Variants in NFRKB observed in about 807,000 individuals in gnomAD.
NFRKB encodes nuclear factor related to kappaB binding protein, also known as nuclear factor related to kappa-B-binding protein.
Under a neutral mutation model 135.7 loss-of-function variants are expected in NFRKB, and 62 were observed. That is an observed-to-expected ratio of 0.46 (90% confidence interval 0.37 to 0.56). NFRKB has a LOEUF of 0.56. Ranked by LOEUF, NFRKB falls within the 20% of genes least tolerant of loss-of-function variation. NFRKB has a pLI of 0.00. For synonymous variants in NFRKB, 678 were observed against 635.6 expected, an observed-to-expected ratio of 1.07 and a Z score of -1.00; for missense variants, 1,545 against 1,662.0, an observed-to-expected ratio of 0.93 and a Z score of 1.22.
chr11:129,881,614 C>T, intron 12 of NFRKB, 106 bp from the exon 13 acceptor site: 1 of 1,587,150 alleles, frequency 6.3e-7, no homozygotes, highest in South Asian at 1.1e-5. Flanking sequence ...ACCTTCAAGG[C>T]ATAGCATTAT....
In NFRKB at chr11:129,894,173, C is replaced by G. The variant is rs189147569; in HGVS notation, c.-22+186G>C. 7 of 152,368 alleles carry G rather than the reference C, an allele frequency of 4.6e-5. No individual in the cohort carries two copies. In the East Asian group the frequency reaches 9.6e-4, roughly 21 times the overall value. 9.4% of individuals were successfully genotyped at this position (152,368 alleles called of 1,614,324 possible). On this transcript the variant is annotated intron_variant, in intron 2 of 26. Transcript: ENST00000682444. ...ATAGCACAGGACTGCACAATGCTAA[C>G]AGGACCACAGGGAGCTTAAACTCAA...
At chr11:129,880,279 AAAC>A (rs1471458183) in intron 13 of NFRKB, among the ~76,000 whole-genome samples, 4 of 152,160 alleles carry the variant, frequency 2.6e-5, no homozygotes, top group East Asian at 1.9e-4. Context: ...CTACCTGCAC[AAAC>A]AACACCTTCC....
In NFRKB at chr11:129,864,999, C is replaced by T. The variant is rs1440745058; in HGVS notation, c.3741G>A (p.Leu1247=). The T allele has an allele frequency of 1.2e-6, 2 of 1,613,268 alleles. No homozygotes were observed. Among genetic ancestry groups the T allele is most frequent in the South Asian group, 2.2e-5 (2 of 91,038 alleles). ...CCTGACCTTGCTGCTGAAGCTGCTG[C>T]AACTGCTGAGCAGTGAGGAAACTAA... The part of the protein sequence containing the change: ...KPVSFLTAQQ[L]QQLQQQGQAT... Residue 1247 remains leucine, a synonymous_variant, in exon 26 of 27, where the codon TTG becomes TTA. Coordinates refer to ENST00000682444, the MANE Select transcript of NFRKB (RefSeq NM_001143835.2).
At chr11:129,872,825 C>G in intron 23 of NFRKB, 59 bp downstream of exon 23, 1 of 1,509,088 alleles carries the variant, frequency 6.6e-7, no homozygotes, top group Non-Finnish European at 9.0e-7. Context: ...ACCTCCAGCT[C>G]CAGTGGTCCC....
At position 129,864,446 on chromosome 11, in the gene NFRKB, C is replaced by T; in HGVS notation, c.*279G>A. The T allele has an allele frequency of 2.7e-6, 1 of 377,032 alleles. No homozygotes were observed. 23.4% of individuals were successfully genotyped at this position (377,032 alleles called of 1,614,324 possible). A position where few individuals can be genotyped will look rare whatever the true frequency, so the allele number is the denominator to read the frequency against. ...GGGGGTCTTACTCTCAGAACTCTGG[C>T]TTGTTGGACGTAACTGGTAATTCCT... On this transcript the variant is annotated 3_prime_UTR_variant, in exon 27 of 27. Coordinates refer to ENST00000682444, the MANE Select transcript of NFRKB (RefSeq NM_001143835.2).
intron 4 of NFRKB, 29 bp from the exon 5 acceptor site, chr11:129,886,473 C>T: frequency 6.3e-7 from 1 of 1,598,572 alleles, no homozygotes; most frequent in Non-Finnish European, 8.6e-7. Flanking sequence ...TATATATTTA[C>T]ATCAATCAAC....
At chr11:129,877,821 C>T (rs1166047589) in intron 15 of NFRKB, among the ~76,000 whole-genome samples, 3 of 152,210 alleles carry the variant, frequency 2.0e-5, no homozygotes, top group East Asian at 1.9e-4. Context: ...ACACTTAGAC[C>T]GGGCCTCTGT....
chr11:129,873,313 T>C (rs968236639), intron 22 of NFRKB, among the ~76,000 whole-genome samples: 2 of 152,252 alleles, frequency 1.3e-5, no homozygotes, highest in African/African-American at 4.8e-5. Flanking sequence ...CTCATTTTAT[T>C]CCTACACACT....
At chr11:129,872,347 G>A (rs985832948) in intron 23 of NFRKB, among the ~76,000 whole-genome samples, 3 of 152,066 alleles carry the variant, frequency 2.0e-5, no homozygotes, top group African/African-American at 7.2e-5. Flanking sequence ...ATCGTTATGT[G>A]GTTCCATTTC....
chr11:129,877,511 C>T, intron 15 of NFRKB, 126 bp from the exon 16 acceptor site: 1 of 894,744 alleles, frequency 1.1e-6, no homozygotes. Context: ...TCAATTCTTA[C>T]AAAGGCGAAG....
intron 1 of NFRKB, among the ~76,000 whole-genome samples, chr11:129,895,205 G>A (rs1394319372): frequency 6.6e-6 from 1 of 152,156 alleles, no homozygotes; most frequent in African/African-American, 2.4e-5. Flanking sequence ...TCCTTCCAGA[G>A]CAACCGCCGG....
intron 23 of NFRKB, among the ~76,000 whole-genome samples, chr11:129,870,842 C>T (rs1021122111): frequency 3.3e-5 from 5 of 152,162 alleles, no homozygotes; most frequent in East Asian, 1.9e-4. Flanking sequence ...TACTGGACTA[C>T]GGCCATCAGA....
In NFRKB at chr11:129,866,065, G is replaced by GT; in HGVS notation, c.3532-83_3532-82insA. ...TGTCACCTCCAGGGCATCAGGAACTGAGAAGCAAGCACTACAGATGCTGTC... is the reference window on the plus strand; with the variant it reads ...TGTCACCTCCAGGGCATCAGGAACTGTAGAAGCAAGCACTACAGATGCTGTC... On this transcript the variant is annotated intron_variant, in intron 24 of 26. Transcript: ENST00000682444. The GT allele has an allele frequency of 5.0e-6, 6 of 1,188,474 alleles. No individual in the cohort carries two copies. The South Asian group carries it at 9.1e-5, about 18-fold the overall frequency. The allele number at this position is 1,188,474 out of a possible 1,614,324, so 73.6% of individuals were successfully genotyped here. A position where few individuals can be genotyped will look rare whatever the true frequency, so the allele number is the denominator to read the frequency against.
At chr11:129,871,401 C>T (rs749129248) in intron 23 of NFRKB, among the ~76,000 whole-genome samples, 15 of 152,146 alleles carry the variant, frequency 9.9e-5, no homozygotes, top group Non-Finnish European at 1.8e-4. Context: ...GTGAAGCCCA[C>T]GCATTATCCT....
At chr11:129,872,796 G>T in intron 23 of NFRKB, 88 bp downstream of exon 23, 1 of 1,298,654 alleles carries the variant, frequency 7.7e-7, no homozygotes, top group African/African-American at 1.5e-5. Flanking sequence ...CTTCCCATGG[G>T]CATGCAGTCT....
rs964018706 is a variant in NFRKB, at chr11:129,873,664, C to G, written c.2550+81G>C. On this transcript the variant is annotated intron_variant, in intron 22 of 26. Transcript: ENST00000682444. Reference sequence around the variant, plus strand: ...TAATCTATGGCTCCCCAGTCCTTACCCAGACACTGCCCATCTGACTCATCA... The same window carrying G: ...TAATCTATGGCTCCCCAGTCCTTACGCAGACACTGCCCATCTGACTCATCA... The G allele has an allele frequency of 3.6e-5, 56 of 1,551,408 alleles. No homozygotes were observed. In the Middle Eastern group the frequency reaches 6.4e-4, roughly 18 times the overall value.
At chr11:129,869,349 G>A in intron 24 of NFRKB, 145 bp downstream of exon 24, 1 of 819,108 alleles carries the variant, frequency 1.2e-6, no homozygotes, top group East Asian at 2.7e-5. Flanking sequence ...TCTATTTGGG[G>A]TAAACGAGGT....
In NFRKB at chr11:129,881,428, A is replaced by G. The variant is rs1371596358; in HGVS notation, c.1384+15T>C. On this transcript the variant is annotated intron_variant, in intron 13 of 26. Coordinates refer to ENST00000682444, the MANE Select transcript of NFRKB (RefSeq NM_001143835.2). ...GAACGAAAACCTGTTGGGGTAGGTA[A>G]TACGGATCACTTACCAAGCAACTTC... 1.9e-6 allele frequency: 3 copies of G among 1,613,852 alleles called. No homozygotes were observed. The East Asian group carries it at 6.7e-5, about 36-fold the overall frequency.
chr11:129,877,236 A>C, intron 16 of NFRKB, 89 bp downstream of exon 16: 1 of 1,322,874 alleles, frequency 7.6e-7, no homozygotes, highest in East Asian at 2.3e-5. Context: ...AGTTTCTTGC[A>C]AGAAGGTAGA....
Sources: allele counts gnomAD v4.1 joint callset (sites outside exome capture counted in the v4.1 genomes callset), GRCh38; gene constraint gnomAD v4.1.1; transcripts MANE v1.5; gene names NCBI Gene and HGNC (gene_info 2026-07-23, HGNC 2026-07-21).